Variants in SMURF1 observed in about 807,000 individuals in gnomAD.
SMURF1 encodes SMAD specific E3 ubiquitin protein ligase 1.
SMURF1 carries 44 observed loss-of-function variants against 98.0 expected under a neutral mutation model. That is an observed-to-expected ratio of 0.45 (90% CI 0.35 to 0.58). The LOEUF is 0.58. Ranked by LOEUF, SMURF1 falls within the 20% of genes least tolerant of loss-of-function variation. The pLI, the probability that SMURF1 is intolerant of heterozygous loss-of-function variation, is 0.00. For missense variants in SMURF1, 687 were observed against 938.4 expected (o/e 0.73, Z 3.50); for synonymous variants, 396 against 374.9 (o/e 1.06, Z -0.65).
At chr7:99,040,834 CTG>C (rs1795348456) in intron 12 of SMURF1, among the ~76,000 whole-genome samples, 2 of 152,220 alleles carry the variant, frequency 1.3e-5, no homozygotes, top group Admixed American at 1.3e-4. Context: ...TCAGCAATGA[CTG>C]AGAATTTCAC....
At chr7:99,117,854 C>G (rs866845879) in intron 1 of SMURF1, among the ~76,000 whole-genome samples, 2 of 151,652 alleles carry the variant, frequency 1.3e-5, no homozygotes, top group East Asian at 4.0e-4. Context: ...CCAAGGCAGG[C>G]GGACCACCTG....
chr7:99,060,773 C>G, intron 2 of SMURF1, 66 bp from the exon 3 acceptor site: 1 of 1,020,040 alleles, frequency 9.8e-7, no homozygotes, highest in Non-Finnish European at 1.5e-6. Flanking sequence ...ACAGAACACA[C>G]AATTCGTGTT....
intron 1 of SMURF1, among the ~76,000 whole-genome samples, chr7:99,101,047 T>C (rs911811992): frequency 4.6e-5 from 7 of 152,234 alleles, no homozygotes; most frequent in Non-Finnish European, 8.8e-5. Context: ...CATCTCTTCA[T>C]TTTAGAACTG....
chr7:99,038,316 AG>A, intron 14 of SMURF1, 71 bp downstream of exon 14: 2 of 1,562,220 alleles, frequency 1.3e-6, no homozygotes, highest in Non-Finnish European at 1.7e-6. Flanking sequence ...CACACAGCGA[AG>A]GAGCTACAGC....
intron 2 of SMURF1, 128 bp downstream of exon 2, chr7:99,061,671 A>G (rs1796037363): frequency 5.1e-6 from 3 of 584,952 alleles, no homozygotes; most frequent in South Asian, 6.8e-5. Flanking sequence ...AAGCTTGGAG[A>G]ACCATGGATT....
intron 1 of SMURF1, among the ~76,000 whole-genome samples, chr7:99,087,675 C>A (rs1796715358): frequency 6.6e-6 from 1 of 152,124 alleles, no homozygotes; most frequent in South Asian, 2.1e-4. Flanking sequence ...CAAGGCTGAT[C>A]GCTTCTGCCG....
chr7:99,037,866 A>G (rs1393484044), intron 14 of SMURF1, among the ~76,000 whole-genome samples: 1 of 152,224 alleles, frequency 6.6e-6, no homozygotes, highest in African/African-American at 2.4e-5. Context: ...GCCTGGCAAC[A>G]TAGCAAGACC....
chr7:99,037,002 A>G, intron 15 of SMURF1, 65 bp downstream of exon 15: 1 of 1,610,368 alleles, frequency 6.2e-7, no homozygotes. Flanking sequence ...TGCAGCAAGG[A>G]TTTAAAACAG....
At chr7:99,096,034 A>T (rs1796949997) in intron 1 of SMURF1, among the ~76,000 whole-genome samples, 1 of 152,202 alleles carries the variant, frequency 6.6e-6, no homozygotes, top group South Asian at 2.1e-4. Flanking sequence ...AGTGTGGGCT[A>T]ACCTTCAAAG....
At position 99,052,192 on chromosome 7, in the gene SMURF1, TAC is replaced by T. The variant is rs766339848; in HGVS notation, c.721+11_721+12del. On this transcript the variant is annotated intron_variant, in intron 7 of 17. Coordinates refer to ENST00000361368, the MANE Select transcript of SMURF1 (RefSeq NM_181349.3). ...GCAGATGGCATTGGCCACAGCAGGA[TAC>T]ATTCTCTCACCGTAGCCTTCGGGCA... is the stretch of plus-strand genomic sequence containing the variant. 2 of 1,529,486 alleles carry T rather than the reference TAC, an allele frequency of 1.3e-6. No individual in the cohort carries two copies. Among genetic ancestry groups the T allele is most frequent in the Admixed American group, 2.0e-5 (1 of 49,424 alleles). The allele number at this position is 1,529,486 out of a possible 1,614,324, so 94.7% of individuals were successfully genotyped here. A position where few individuals can be genotyped will look rare whatever the true frequency, so the allele number is the denominator to read the frequency against.
chr7:99,052,071 G>C (rs1795766837), intron 7 of SMURF1, 134 bp downstream of exon 7: 2 of 1,263,460 alleles, frequency 1.6e-6, no homozygotes, highest in South Asian at 3.9e-5. Flanking sequence ...GGAGGTCAAG[G>C]CTGCCGTGAG....
chr7:99,094,440 T>C (rs1796898017), intron 1 of SMURF1, among the ~76,000 whole-genome samples: 1 of 152,228 alleles, frequency 6.6e-6, no homozygotes, highest in African/African-American at 2.4e-5. Context: ...GAATTTATCA[T>C]AAGCCCAGGA....
At chr7:99,105,054 T>C (rs2150595384) in intron 1 of SMURF1, among the ~76,000 whole-genome samples, 1 of 152,336 alleles carries the variant, frequency 6.6e-6, no homozygotes, top group South Asian at 2.1e-4. Flanking sequence ...AAGATAATCA[T>C]TCTCTTCTAT....
intron 9 of SMURF1, chr7:99,049,226 T>C (rs1256284475): frequency 7.8e-6 from 2 of 257,982 alleles, no homozygotes; most frequent in African/African-American, 4.6e-5. Flanking sequence ...ACTAGGGGGA[T>C]AGCACGTATC....
intron 11 of SMURF1, among the ~76,000 whole-genome samples, chr7:99,044,428 A>C (rs1295010843): frequency 6.6e-6 from 1 of 152,242 alleles, no homozygotes; most frequent in Middle Eastern, 3.2e-3. Context: ...AATAATGTAA[A>C]CCGTATAAAC....
intron 17 of SMURF1, among the ~76,000 whole-genome samples, chr7:99,032,426 T>A (rs1397246385): frequency 1.3e-5 from 2 of 152,212 alleles, no homozygotes; most frequent in Non-Finnish European, 2.9e-5. Context: ...CTCAGCACTT[T>A]GGGAGGCCGA....
chr7:99,050,893 G>GT lies in SMURF1; in HGVS notation c.806+463dup, dbSNP rs1491032876. ...AAAAGAAACTTAACTCTGTTATGGG[G>GT]TGGGGGGGGGGTCTCTCTAACCTGG... On this transcript the variant is annotated intron_variant, in intron 8 of 17. Transcript: ENST00000361368. 3.7e-5 allele frequency: 46 copies of GT among 1,227,092 alleles called. No homozygotes were observed. In the Admixed American group the frequency reaches 1.0e-3, roughly 27 times the overall value. The allele number at this position is 1,227,092 out of a possible 1,614,324, so 76.0% of individuals were successfully genotyped here.
At chr7:99,033,742 G>C in intron 16 of SMURF1, among the ~76,000 whole-genome samples, 1 of 152,344 alleles carries the variant, frequency 6.6e-6, no homozygotes, top group Middle Eastern at 3.4e-3. Context: ...CCACCCTCTG[G>C]AATAGACGAC....
At chr7:99,120,624 A>G (rs919898988) in intron 1 of SMURF1, 2 of 137,574 alleles carry the variant, frequency 1.5e-5, no homozygotes, top group African/African-American at 2.8e-5. Flanking sequence ...TCTAGAGCTG[A>G]AAAAAAAAAA....
Sources: gnomAD v4.1 joint callset for allele counts (sites outside exome capture counted in the v4.1 genomes callset) on GRCh38, gnomAD v4.1.1 for gene constraint, MANE v1.5 for transcripts, NCBI Gene and HGNC (gene_info 2026-07-23, HGNC 2026-07-21) for gene names.